OPCML: variants seen among roughly 807,000 people sequenced by gnomAD.
OPCML encodes the protein opioid-binding protein/cell adhesion molecule.
OPCML carries 13 observed loss-of-function variants against 37.8 expected under a neutral mutation model. That is an observed-to-expected ratio of 0.34 (90% CI 0.22 to 0.55). The LOEUF is 0.55. Among genes scored for constraint, OPCML ranks in the 20% least tolerant of loss-of-function variants. The pLI, the probability that OPCML is intolerant of heterozygous loss-of-function variation, is 0.91. For synonymous variants in OPCML, 176 were observed against 168.8 expected, an observed-to-expected ratio of 1.04 and a Z score of -0.33; for missense variants, 341 against 435.6, an observed-to-expected ratio of 0.78 and a Z score of 1.93.
chr11:133,327,114 A>AGGGGGTGGGTGTGTGGGGAGGGT (rs1943490759), intron 1 of OPCML, among the ~76,000 whole-genome samples: 1 of 15,260 alleles, frequency 6.6e-5, no homozygotes, highest in Non-Finnish European at 1.3e-4. Context: ...ATGTGGGGGG[A>AGGGGGTGGGTGTGTGGGGAGGGT]GGGTGTGGGT....
chr11:132,966,471 A>G (rs1334171213), intron 1 of OPCML, among the ~76,000 whole-genome samples: 1 of 152,140 alleles, frequency 6.6e-6, no homozygotes, highest in Non-Finnish European at 1.5e-5. Context: ...ATGGCCAAGC[A>G]TCTGCTGTAT....
intron 1 of OPCML, among the ~76,000 whole-genome samples, chr11:133,180,212 C>T (rs1247897126): frequency 1.3e-5 from 2 of 152,122 alleles, no homozygotes; most frequent in Admixed American, 1.3e-4. Flanking sequence ...GGAGCTGGGG[C>T]CAGGGTATTG....
intron 2 of OPCML, among the ~76,000 whole-genome samples, chr11:132,778,683 T>C (rs1209713900): frequency 2.0e-5 from 3 of 152,114 alleles, no homozygotes; most frequent in Non-Finnish European, 4.4e-5. Context: ...AATAAGAATA[T>C]GGAAATAAAA....
At chr11:133,032,632 T>C (rs2136927069) in intron 1 of OPCML, among the ~76,000 whole-genome samples, 1 of 152,278 alleles carries the variant, frequency 6.6e-6, no homozygotes, top group African/African-American at 2.4e-5. Flanking sequence ...CCCACATACA[T>C]GCACAAAGTA....
At chr11:133,506,288 T>C (rs1047632674) in intron 1 of OPCML, among the ~76,000 whole-genome samples, 1 of 152,186 alleles carries the variant, frequency 6.6e-6, no homozygotes, top group African/African-American at 2.4e-5. Flanking sequence ...CTTGAATTAC[T>C]TTTTCTGCAT....
chr11:133,004,503 C>G, intron 1 of OPCML: 1 of 985,442 alleles, frequency 1.0e-6, no homozygotes, highest in Non-Finnish European at 1.2e-6. Flanking sequence ...AAGATGCCCT[C>G]TGCAGACGAC....
At position 133,177,040 on chromosome 11, in the gene OPCML, C is replaced by T. The variant is rs1392333413; in HGVS notation, c.62-234030G>A. Among the ~76,000 whole-genome samples, 1 of 152,182 alleles carries T rather than the reference C, an allele frequency of 6.6e-6. No individual in the cohort carries two copies. Among genetic ancestry groups the T allele is most frequent in the Non-Finnish European group, 1.5e-5 (1 of 68,032 alleles). On this transcript the variant is annotated intron_variant, in intron 1 of 7. Coordinates refer to ENST00000524381, the MANE Select transcript of OPCML (RefSeq NM_001012393.5). This position sits in a 1 kb window ranked among gnomAD's most constrained non-coding sequence, Gnocchi z 5.0. ...TGTGCCATCATCCTGCCAGCGGGAC[C>T]CTGGCAACACCAAGTTGCTCAGCAC... is the stretch of plus-strand genomic sequence containing the variant.
chr11:132,730,963 T>C (rs1025001693), intron 2 of OPCML, among the ~76,000 whole-genome samples: 4 of 152,174 alleles, frequency 2.6e-5, no homozygotes, highest in African/African-American at 9.7e-5. Flanking sequence ...GCTCTTGATG[T>C]AAGAAAAAGG....
chr11:133,079,430 T>A (rs1022469717), intron 1 of OPCML, among the ~76,000 whole-genome samples: 14 of 152,180 alleles, frequency 9.2e-5, no homozygotes, highest in African/African-American at 3.4e-4. Context: ...AAGCATTCAT[T>A]TGATTTTCAT....
chr11:132,921,041 C>T (rs973884554), intron 2 of OPCML, among the ~76,000 whole-genome samples: 3 of 152,244 alleles, frequency 2.0e-5, no homozygotes, highest in Non-Finnish European at 4.4e-5. Flanking sequence ...CTCCCCGCCA[C>T]ATGCTGGCCT....
intron 5 of OPCML, 33 bp downstream of exon 5, chr11:132,437,189 T>A: frequency 6.2e-7 from 1 of 1,605,294 alleles, no homozygotes; most frequent in Non-Finnish European, 8.5e-7. Context: ...TGCCGTCTTT[T>A]CCCCAGAACC....
intron 1 of OPCML, among the ~76,000 whole-genome samples, chr11:133,367,042 T>C (rs1342230200): frequency 6.6e-6 from 1 of 152,148 alleles, no homozygotes. Context: ...AGTGGTGCGG[T>C]GTCTCGGTTC....
chr11:132,711,671 ATGTG>A (rs1449317442), intron 2 of OPCML, among the ~76,000 whole-genome samples: 1 of 152,130 alleles, frequency 6.6e-6, no homozygotes, highest in Non-Finnish European at 1.5e-5. Flanking sequence ...ATGTATGTAT[ATGTG>A]TGTGTATGAT....
intron 1 of OPCML, among the ~76,000 whole-genome samples, chr11:133,013,438 T>C (rs1208247244): frequency 6.6e-6 from 1 of 152,370 alleles, no homozygotes; most frequent in South Asian, 2.1e-4. Flanking sequence ...TAAGTATTCT[T>C]ATAAAGGTTT....
At chr11:133,393,353 G>A (rs1384151093) in intron 1 of OPCML, among the ~76,000 whole-genome samples, 1 of 152,158 alleles carries the variant, frequency 6.6e-6, no homozygotes, top group African/African-American at 2.4e-5. Context: ...CTGTGTATTT[G>A]CCTTAGGAAC....
At chr11:132,586,826 G>C (rs976807969) in intron 3 of OPCML, among the ~76,000 whole-genome samples, 2 of 151,970 alleles carry the variant, frequency 1.3e-5, no homozygotes, top group African/African-American at 4.8e-5. Flanking sequence ...AAATTTTTAG[G>C]GATTCAGTAG....
intron 2 of OPCML, among the ~76,000 whole-genome samples, chr11:132,686,443 T>A (rs1943161118): frequency 6.6e-6 from 1 of 152,196 alleles, no homozygotes; most frequent in Non-Finnish European, 1.5e-5. Flanking sequence ...GTATATTAAC[T>A]TGCAAATAAT....
chr11:133,389,937 A>C (rs2136807066), intron 1 of OPCML, among the ~76,000 whole-genome samples: 1 of 152,256 alleles, frequency 6.6e-6, no homozygotes, highest in East Asian at 1.9e-4. Context: ...CCATGAAAGA[A>C]AGCTGAGGCC....
intron 2 of OPCML, among the ~76,000 whole-genome samples, chr11:132,910,775 C>A (rs987752094): frequency 9.2e-5 from 14 of 152,206 alleles, no homozygotes; most frequent in Non-Finnish European, 1.9e-4. Context: ...GCTTAACAGA[C>A]AGCCCAAGTC....
Sources: gnomAD v4.1 joint callset for allele counts (sites outside exome capture counted in the v4.1 genomes callset) on GRCh38, gnomAD v4.1.1 for gene constraint, Gnocchi (gnomAD v3.1) non-coding constraint, MANE v1.5 for transcripts, NCBI Gene and HGNC (gene_info 2026-07-23, HGNC 2026-07-21) for gene names.